Variants in TTC28 observed in about 807,000 individuals in gnomAD.
The protein encoded by TTC28 is tetratricopeptide repeat domain 28.
In TTC28, 61 loss-of-function variants were observed where a neutral mutation model predicts 198.0. The ratio of observed to expected loss-of-function variants is 0.31; its 90% confidence interval spans 0.25 to 0.38. TTC28 has a LOEUF of 0.38. Among genes scored for constraint, TTC28 ranks in the 10% least tolerant of loss-of-function variants. The pLI is 1.00. For missense variants in TTC28, 2,678 were observed against 3,164.0 expected, an observed-to-expected ratio of 0.85 and a Z score of 3.69; for synonymous variants, 1,171 against 1,297.8, an observed-to-expected ratio of 0.90 and a Z score of 2.10.
At chr22:28,674,831 A>G (rs2145717169) in intron 1 of TTC28, among the ~76,000 whole-genome samples, 1 of 152,094 alleles carries the variant, frequency 6.6e-6, no homozygotes, top group African/African-American at 2.4e-5. Flanking sequence ...AAAAAAAAAA[A>G]AAAAAGGTAA....
intron 2 of TTC28, among the ~76,000 whole-genome samples, chr22:28,419,504 T>C (rs892753131): frequency 2.0e-5 from 3 of 152,228 alleles, no homozygotes; most frequent in Admixed American, 6.5e-5. Flanking sequence ...ACTTGTTTAA[T>C]TGAACTAAAT....
At chr22:28,399,186 T>C (rs369866893) in intron 2 of TTC28, among the ~76,000 whole-genome samples, 6 of 152,142 alleles carry the variant, frequency 3.9e-5, no homozygotes, top group African/African-American at 1.4e-4. Flanking sequence ...TGGGGATTGC[T>C]GCCAAACTCT....
chr22:28,063,888 G>C (rs960439239), intron 12 of TTC28, among the ~76,000 whole-genome samples: 1 of 152,102 alleles, frequency 6.6e-6, no homozygotes, highest in Admixed American at 6.6e-5. Flanking sequence ...CAGGGCGGCC[G>C]AGCAACAGCT....
chr22:28,030,438 C>T, intron 12 of TTC28, 72 bp from the exon 13 acceptor site: 8 of 1,526,052 alleles, frequency 5.2e-6, no homozygotes, highest in Non-Finnish European at 7.0e-6. Flanking sequence ...GCTCTGAGGT[C>T]CTATGCCATT....
intron 5 of TTC28, among the ~76,000 whole-genome samples, chr22:28,174,915 T>C (rs1434482753): frequency 6.6e-6 from 1 of 152,126 alleles, no homozygotes; most frequent in African/African-American, 2.4e-5. Flanking sequence ...CCTTTGTTCA[T>C]TCATTCTTGC....
At chr22:27,991,087 G>C (rs1408237047) in intron 19 of TTC28, among the ~76,000 whole-genome samples, 1 of 152,136 alleles carries the variant, frequency 6.6e-6, no homozygotes, top group East Asian at 1.9e-4. Flanking sequence ...GGGAGGGAAA[G>C]AGCACAGCGG....
At chr22:28,552,506 G>A (rs920903704) in intron 2 of TTC28, among the ~76,000 whole-genome samples, 1 of 152,122 alleles carries the variant, frequency 6.6e-6, no homozygotes, top group African/African-American at 2.4e-5. Flanking sequence ...CACCAAAACA[G>A]CCTGGTACTG....
intron 2 of TTC28, among the ~76,000 whole-genome samples, chr22:28,467,169 C>G (rs1222993376): frequency 6.6e-6 from 1 of 152,094 alleles, no homozygotes; most frequent in Non-Finnish European, 1.5e-5. Context: ...ATCTGTAATC[C>G]CAACACTTTG....
chr22:28,124,198 G>GTTGTTTT (rs549703121), intron 6 of TTC28, among the ~76,000 whole-genome samples: 4 of 138,268 alleles, frequency 2.9e-5, no homozygotes, highest in African/African-American at 1.1e-4. Flanking sequence ...TGTTGTTGTT[G>GTTGTTTT]TTTGTTTTTT....
intron 2 of TTC28, among the ~76,000 whole-genome samples, chr22:28,392,046 G>A (rs1168149711): frequency 1.3e-5 from 2 of 152,206 alleles, no homozygotes; most frequent in African/African-American, 4.8e-5. Flanking sequence ...CTGTTTGTTA[G>A]TTTTCCTTCT....
In TTC28 at chr22:27,978,390, C is replaced by T. The variant is rs1322025287; in HGVS notation, c.*3831G>A. The T allele has an allele frequency of 6.6e-6, 1 of 152,232 alleles. No individual in the cohort carries two copies. The highest frequency in any genetic ancestry group is 2.4e-5 in the African/African-American group (1 of 41,448). The allele number at this position is 152,232 out of a possible 1,614,324, so 9.4% of individuals were successfully genotyped here. On this transcript the variant is annotated 3_prime_UTR_variant, in exon 23 of 23. Transcript: ENST00000397906. ...AAATTATACAGTTTTCACTTGTTGCCTACTTACTGAAAGCAAACCAGATTA... is the reference window on the plus strand; with the variant it reads ...AAATTATACAGTTTTCACTTGTTGCTTACTTACTGAAAGCAAACCAGATTA...
chr22:28,420,611 G>C (rs920815354), intron 2 of TTC28, among the ~76,000 whole-genome samples: 1 of 145,896 alleles, frequency 6.9e-6, no homozygotes, highest in Non-Finnish European at 1.5e-5. Context: ...TGTTGTTGTT[G>C]TTTTGAGACA....
intron 6 of TTC28, among the ~76,000 whole-genome samples, chr22:28,161,587 G>C (rs985394787): frequency 2.6e-4 from 39 of 151,986 alleles, no homozygotes; most frequent in Middle Eastern, 3.4e-3. Context: ...TCAGGAGTTT[G>C]AGGCTGCAGT....
In TTC28 at chr22:28,107,920, T is replaced by C; in HGVS notation, c.1925A>G (p.Tyr642Cys). Residue 642 changes from tyrosine to cysteine, a missense_variant, in exon 7 of 23, where the codon TAT (tyrosine) becomes TGT (cysteine). By Grantham distance (194) the Tyr-to-Cys change is radical (BLOSUM62 -2). Transcript: ENST00000397906. Reference sequence around the variant, plus strand: ...ATAGTTTCCAAGGCAGTAATGGGCATAGCCAAGATTGTGGCAGACCTTCCC... The same window carrying C: ...ATAGTTTCCAAGGCAGTAATGGGCACAGCCAAGATTGTGGCAGACCTTCCC... ...GEGKVCHNLG[Y>C]AHYCLGNYQE... is the part of the protein sequence containing the mutation. 1.3e-6 allele frequency: 2 copies of C among 1,551,694 alleles called. No homozygotes were observed. Among genetic ancestry groups the C allele is most frequent in the Non-Finnish European group, 1.7e-6 (2 of 1,146,998 alleles).
At chr22:28,629,530 C>T (rs1418963759) in intron 2 of TTC28, 22 bp downstream of exon 2, 2 of 1,526,786 alleles carry the variant, frequency 1.3e-6, no homozygotes, top group South Asian at 2.5e-5. Flanking sequence ...GAAAATAAAT[C>T]TTCATAGGTA....
rs777812338 is a variant in TTC28, at chr22:28,114,474, C to T, written c.1442-6071G>A. The stretch of plus-strand genomic sequence containing the variant: ...AAAGTGCTCTGTGTTAGAAATGCAA[C>T]CAATTGGATGTCTTATCTAACACAC... On this transcript the variant is annotated intron_variant, in intron 6 of 22. Transcript: ENST00000397906. 7.9e-5 allele frequency among the ~76,000 whole-genome samples: 12 copies of T among 152,188 alleles called. 1 individual carries two copies. The highest frequency in any genetic ancestry group is 7.9e-4 in the Admixed American group (12 of 15,282).
intron 5 of TTC28, among the ~76,000 whole-genome samples, chr22:28,242,860 G>T (rs1309249184): frequency 3.9e-5 from 6 of 151,952 alleles, no homozygotes; most frequent in Non-Finnish European, 8.8e-5. Context: ...AAATTAAATT[G>T]ACATCAAATT....
At position 27,996,128 on chromosome 22, in the gene TTC28, C is replaced by G. The variant is rs1289802608; in HGVS notation, c.5244+7G>C. On this transcript the variant is annotated splice_region_variant and intron_variant, in intron 17 of 22. Transcript: ENST00000397906. The stretch of plus-strand genomic sequence containing the variant: ...CTCGTTGAGTGCAGGGTGCCCGACC[C>G]CCTTACCAGGTGCAGCAGCACTCGC... The G allele has an allele frequency of 1.3e-6, 2 of 1,547,562 alleles. No homozygotes were observed. Among genetic ancestry groups the G allele is most frequent in the Non-Finnish European group, 1.7e-6 (2 of 1,146,648 alleles).
At chr22:28,030,111 G>C in intron 13 of TTC28, 115 bp downstream of exon 13, 1 of 1,411,242 alleles carries the variant, frequency 7.1e-7, no homozygotes, top group Non-Finnish European at 9.4e-7. Context: ...TGCTGCAAAT[G>C]CATGACACGA....
Sources: allele counts gnomAD v4.1 joint callset (sites outside exome capture counted in the v4.1 genomes callset), GRCh38; gene constraint gnomAD v4.1.1; transcripts MANE v1.5; gene names NCBI Gene and HGNC (gene_info 2026-07-23, HGNC 2026-07-21).